NOTCH2NLC: variants seen among roughly 807,000 people sequenced by gnomAD.
NOTCH2NLC encodes notch homolog 2 N-terminal-like protein C.
A neutral mutation model predicts 17.7 loss-of-function variants in NOTCH2NLC; 4 were observed. That is an observed-to-expected ratio of 0.23 (90% CI 0.11 to 0.52). NOTCH2NLC has a LOEUF of 0.52. Ranked by LOEUF, NOTCH2NLC falls within the 20% of genes least tolerant of loss-of-function variation. NOTCH2NLC has a pLI of 0.96. For synonymous variants in NOTCH2NLC, 18 were observed against 86.0 expected (o/e 0.21, Z 4.38); for missense variants, 57 against 207.2 (o/e 0.28, Z 4.45).
At chr1:149,421,341 C>A (rs2084377906) in intron 1 of NOTCH2NLC, among the ~76,000 whole-genome samples, 2 of 147,848 alleles carry the variant, frequency 1.4e-5, no homozygotes, top group Non-Finnish European at 3.0e-5. Context: ...ACTAAAAATA[C>A]AAAAAAAATT....
Position 149,470,363 on chromosome 1 carries a change from A to C in NOTCH2NLC, c.*6210A>C, listed in dbSNP as rs2101520199. On this transcript the variant is annotated 3_prime_UTR_variant, in exon 5 of 5. Coordinates refer to ENST00000650865, the MANE Select transcript of NOTCH2NLC (RefSeq NM_001364013.2). ...TTATATACCATACAATTTACTTCTT[A>C]AAAAAGTACACAATTCAGTAATTTT... is the stretch of plus-strand genomic sequence containing the variant. Among the ~76,000 whole-genome samples the C allele has an allele frequency of 6.6e-6, 1 of 151,298 alleles. No individual in the cohort carries two copies. The highest frequency in any genetic ancestry group is 1.9e-4 in the East Asian group (1 of 5,134).
intron 1 of NOTCH2NLC, among the ~76,000 whole-genome samples, chr1:149,424,293 G>C (rs1213991865): frequency 6.6e-6 from 1 of 150,926 alleles, no homozygotes; most frequent in Non-Finnish European, 1.5e-5. Flanking sequence ...TTTCTTAAAA[G>C]TTCTTTTTGG....
chr1:149,430,891 G>A (rs1295684323), intron 1 of NOTCH2NLC, 51 bp from the exon 2 acceptor site: 3 of 239,034 alleles, frequency 1.3e-5, no homozygotes, highest in Non-Finnish European at 2.4e-5. Context: ...TGAGGGTTAT[G>A]ATTAGTGACT....
chr1:149,412,081 A>C (rs1295304939), intron 1 of NOTCH2NLC, among the ~76,000 whole-genome samples: 1 of 111,628 alleles, frequency 9.0e-6, no homozygotes, highest in African/African-American at 3.4e-5. Flanking sequence ...ATGCCACTGC[A>C]CATCTGTCTG....
chr1:149,394,861 G>A (rs2084196160), intron 1 of NOTCH2NLC, among the ~76,000 whole-genome samples: 1 of 150,118 alleles, frequency 6.7e-6, no homozygotes, highest in African/African-American at 2.5e-5. Flanking sequence ...TTCTTTCTTT[G>A]TCAGCCTACC....
At chr1:149,432,494 C>T (rs2084458610) in intron 2 of NOTCH2NLC, among the ~76,000 whole-genome samples, 2 of 151,056 alleles carry the variant, frequency 1.3e-5, no homozygotes, top group South Asian at 2.1e-4. Context: ...GCATTCTCCT[C>T]TAAGAATGGA....
intron 1 of NOTCH2NLC, among the ~76,000 whole-genome samples, chr1:149,393,056 C>G (rs1192037737): frequency 2.6e-5 from 3 of 116,132 alleles, no homozygotes; most frequent in Admixed American, 1.1e-4. Flanking sequence ...GGCGACAGAG[C>G]GAGACTCCGT....
At chr1:149,457,634 G>A (rs1292351241) in intron 3 of NOTCH2NLC, among the ~76,000 whole-genome samples, 1 of 150,524 alleles carries the variant, frequency 6.6e-6, no homozygotes, top group East Asian at 2.0e-4. Flanking sequence ...AGCAAGGAGA[G>A]CCAGTCTTGA....
intron 2 of NOTCH2NLC, among the ~76,000 whole-genome samples, chr1:149,436,891 A>G (rs1282149235): frequency 1.6e-4 from 19 of 120,854 alleles, no homozygotes; most frequent in East Asian, 1.3e-3. Flanking sequence ...CTCATTAAAT[A>G]CCTCTCATAG....
At chr1:149,433,422 T>A (rs1284792857) in intron 2 of NOTCH2NLC, among the ~76,000 whole-genome samples, 1 of 150,288 alleles carries the variant, frequency 6.7e-6, no homozygotes, top group Non-Finnish European at 1.5e-5. Context: ...ATTCTGCACA[T>A]GTATCCCAAA....
chr1:149,427,488 A>C, intron 1 of NOTCH2NLC, among the ~76,000 whole-genome samples: 1 of 133,952 alleles, frequency 7.5e-6, no homozygotes, highest in Non-Finnish European at 1.6e-5. Context: ...TGTATCTACC[A>C]CAGCTTTTTT....
At chr1:149,393,012 G>A (rs2101458851) in intron 1 of NOTCH2NLC, among the ~76,000 whole-genome samples, 1 of 143,016 alleles carries the variant, frequency 7.0e-6, no homozygotes, top group South Asian at 2.2e-4. Flanking sequence ...GGAGCTTGCA[G>A]TGAGCCGAGA....
At chr1:149,461,165 C>T (rs1344964616) in intron 3 of NOTCH2NLC, among the ~76,000 whole-genome samples, 5 of 149,880 alleles carry the variant, frequency 3.3e-5, no homozygotes, top group Admixed American at 6.6e-5. Context: ...AAACTCCTAA[C>T]CACAAGTGAT....
At chr1:149,412,175 A>C (rs1161002295) in intron 1 of NOTCH2NLC, among the ~76,000 whole-genome samples, 1 of 150,082 alleles carries the variant, frequency 6.7e-6, no homozygotes, top group Non-Finnish European at 1.5e-5. Context: ...GTCTAATTGC[A>C]AAGCCACATT....
rs2084674712 is a variant in NOTCH2NLC, at chr1:149,464,726, A to G, written c.*573A>G. On this transcript the variant is annotated 3_prime_UTR_variant, in exon 5 of 5. Coordinates refer to ENST00000650865, the MANE Select transcript of NOTCH2NLC (RefSeq NM_001364013.2). ...GAAGCAGATGAATTACTAAGCAACAAAGATCCTGTTTTTATACAAATATCC... is the reference window on the plus strand; with the variant it reads ...GAAGCAGATGAATTACTAAGCAACAGAGATCCTGTTTTTATACAAATATCC... The G allele has an allele frequency of 6.6e-6, 1 of 150,538 alleles. No homozygotes were observed. The highest frequency in any genetic ancestry group is 2.4e-5 in the African/African-American group (1 of 40,890). 9.3% of individuals were successfully genotyped at this position (150,538 alleles called of 1,614,324 possible). A position where few individuals can be genotyped will look rare whatever the true frequency, so the allele number is the denominator to read the frequency against.
intron 1 of NOTCH2NLC, among the ~76,000 whole-genome samples, chr1:149,398,683 C>T (rs1416622994): frequency 5.3e-5 from 8 of 151,094 alleles, no homozygotes; most frequent in African/African-American, 9.7e-5. Flanking sequence ...CAGCCAGCTA[C>T]GTCGCTCCAG....
chr1:149,419,040 TTTC>T (rs1321993179), intron 1 of NOTCH2NLC, among the ~76,000 whole-genome samples: 1 of 150,210 alleles, frequency 6.7e-6, no homozygotes, highest in Non-Finnish European at 1.5e-5. Flanking sequence ...CTCTCTCTCC[TTTC>T]TTTTTTTCTT....
rs1455843447 is a variant in NOTCH2NLC at position 149,424,384 on chromosome 1, G to C, written c.136-6558G>C. 4.1e-4 allele frequency among the ~76,000 whole-genome samples: 61 copies of C among 149,824 alleles called. 2 individuals carry two copies. The South Asian group carries it at 0.012, about 31-fold the overall frequency. On this transcript the variant is annotated intron_variant, in intron 1 of 4. Coordinates refer to ENST00000650865, the MANE Select transcript of NOTCH2NLC (RefSeq NM_001364013.2). The stretch of plus-strand genomic sequence containing the variant: ...TTATTTTGTTTGTATTTATCTTAGA[G>C]TCATTTGGTTAGGTCACATTCTCTC...
intron 1 of NOTCH2NLC, among the ~76,000 whole-genome samples, chr1:149,399,025 CATG>C (rs1398173569): frequency 2.0e-5 from 3 of 151,880 alleles, no homozygotes; most frequent in Non-Finnish European, 4.4e-5. Context: ...GTAAGGAAAA[CATG>C]ATGATAATAT....
Sources: allele counts gnomAD v4.1 joint callset (sites outside exome capture counted in the v4.1 genomes callset), GRCh38; gene constraint gnomAD v4.1.1; transcripts MANE v1.5; gene names NCBI Gene and HGNC (gene_info 2026-07-23, HGNC 2026-07-21).